DNM1L: variants seen among roughly 807,000 people sequenced by gnomAD.
The protein encoded by DNM1L is dynamin-1-like protein.
DNM1L carries 33 observed loss-of-function variants against 92.8 expected under a neutral mutation model. The ratio of observed to expected loss-of-function variants is 0.36; its 90% CI spans 0.27 to 0.48. DNM1L has a LOEUF of 0.48. Ranked by LOEUF, DNM1L falls within the 20% of genes least tolerant of loss-of-function variation. The pLI is 0.99. For synonymous variants in DNM1L, 284 were observed against 305.0 expected (o/e 0.93, Z 0.72); for missense variants, 485 against 888.8 (o/e 0.55, Z 5.78).
At chr12:32,686,472 C>T (rs1952019350) in intron 1 of DNM1L, among the ~76,000 whole-genome samples, 1 of 151,916 alleles carries the variant, frequency 6.6e-6, no homozygotes, top group African/African-American at 2.4e-5. Flanking sequence ...ACTCCCTCTT[C>T]TTTCTTTTCC....
intron 1 of DNM1L, among the ~76,000 whole-genome samples, chr12:32,699,291 T>C (rs1393635884): frequency 2.0e-5 from 3 of 151,612 alleles, no homozygotes; most frequent in African/African-American, 7.3e-5. Context: ...ACTTTTTTTG[T>C]GGCATTGAAA....
chr12:32,713,951 C>G (rs1953247012), intron 6 of DNM1L, among the ~76,000 whole-genome samples: 1 of 152,112 alleles, frequency 6.6e-6, no homozygotes, highest in African/African-American at 2.4e-5. Context: ...AAGGTAAAAT[C>G]CTTTCATGAA....
At chr12:32,741,560 T>C (rs1955293781) in intron 18 of DNM1L, among the ~76,000 whole-genome samples, 1 of 152,164 alleles carries the variant, frequency 6.6e-6, no homozygotes, top group Non-Finnish European at 1.5e-5. Context: ...GCTGGGATTA[T>C]AGGCGTGAGC....
intron 1 of DNM1L, among the ~76,000 whole-genome samples, chr12:32,691,799 GA>G (rs1952245311): frequency 6.6e-6 from 1 of 152,178 alleles, no homozygotes; most frequent in Non-Finnish European, 1.5e-5. Flanking sequence ...CAGATGAGGA[GA>G]GAAACGATAA....
Position 32,717,235 on chromosome 12 carries a change from ATATT to A in DNM1L, c.620-1406_620-1403del, listed in dbSNP as rs1264220076. 2.8e-5 allele frequency among the ~76,000 whole-genome samples: 3 copies of A among 107,594 alleles called. 1 individual carries two copies. The highest frequency in any genetic ancestry group is 1.2e-4 in the African/African-American group (3 of 25,850). The allele number at this position is 107,594 out of a possible 152,430, so 70.6% of individuals were successfully genotyped here. On this transcript the variant is annotated intron_variant, in intron 6 of 19. Transcript: ENST00000549701. ...ATAAAATATATAGTATATATTATAT[ATATT>A]TTATATATAGTATATATAGTATATA...
At chr12:32,740,325 C>G (rs1175742155) in intron 17 of DNM1L, 84 bp from the exon 18 acceptor site, 2 of 1,610,526 alleles carry the variant, frequency 1.2e-6, no homozygotes, top group Non-Finnish European at 1.7e-6. Flanking sequence ...CTAAAAGTCT[C>G]AAAAACTTAC....
intron 9 of DNM1L, among the ~76,000 whole-genome samples, chr12:32,726,202 A>G (rs1954130400): frequency 6.6e-6 from 1 of 152,252 alleles, no homozygotes; most frequent in South Asian, 2.1e-4. Context: ...CATACCTGGC[A>G]GAAAAACTAG....
intron 2 of DNM1L, chr12:32,705,896 T>C (rs1952903684): frequency 1.3e-6 from 2 of 1,588,450 alleles, no homozygotes; most frequent in Middle Eastern, 1.7e-4. Context: ...TGACCCTTTT[T>C]TTCTCTTATG....
At chr12:32,706,056 GTAATT>G in intron 2 of DNM1L, 1 of 469,870 alleles carries the variant, frequency 2.1e-6, no homozygotes. Flanking sequence ...GGTGGTGAAT[GTAATT>G]TATTTTATTT....
At chr12:32,732,855 G>C (rs1019109273) in intron 12 of DNM1L, among the ~76,000 whole-genome samples, 2 of 152,182 alleles carry the variant, frequency 1.3e-5, no homozygotes, top group Non-Finnish European at 2.9e-5. Flanking sequence ...CCAACACTTT[G>C]GGAAGTCGAG....
intron 2 of DNM1L, among the ~76,000 whole-genome samples, chr12:32,706,334 A>T (rs528313704): frequency 8.5e-5 from 13 of 152,296 alleles, no homozygotes; most frequent in African/African-American, 3.1e-4. Context: ...TCTTATGATC[A>T]TTTTTATTTA....
At chr12:32,742,546 T>C (rs1329707828) in intron 18 of DNM1L, 43 bp from the exon 19 acceptor site, 1 of 1,613,204 alleles carries the variant, frequency 6.2e-7, no homozygotes, top group African/African-American at 1.3e-5. Flanking sequence ...TTGTTAAAAG[T>C]AGAATTTTGG....
In DNM1L at chr12:32,686,943, T is replaced by C. The variant is rs951345468; in HGVS notation, c.102+7478T>C. On this transcript the variant is annotated intron_variant, in intron 1 of 19. Coordinates refer to ENST00000549701, the MANE Select transcript of DNM1L (RefSeq NM_012062.5). ...TGTAAGAGTTCTTTTTTTTCTTTTT[T>C]TTTTTTTTTTTTTGAGATGGAGTCT... Among the ~76,000 whole-genome samples, 6 of 136,984 alleles carry C rather than the reference T, an allele frequency of 4.4e-5. 1 individual carries two copies. The highest frequency in any genetic ancestry group is 3.9e-4 in the East Asian group (2 of 5,106). 89.9% of individuals were successfully genotyped at this position (136,984 alleles called of 152,430 possible). A position where few individuals can be genotyped will look rare whatever the true frequency, so the allele number is the denominator to read the frequency against.
intron 2 of DNM1L, among the ~76,000 whole-genome samples, chr12:32,705,658 T>C (rs1469107041): frequency 1.3e-5 from 2 of 152,214 alleles, no homozygotes; most frequent in East Asian, 3.8e-4. Flanking sequence ...GATTCTTAAT[T>C]TTTCTTCTTA....
At chr12:32,724,676 T>C (rs1378387048) in intron 9 of DNM1L, among the ~76,000 whole-genome samples, 15 of 138,370 alleles carry the variant, frequency 1.1e-4, no homozygotes, top group Non-Finnish European at 1.9e-4. Context: ...AAAATAATAA[T>C]ATATATAATA....
intron 1 of DNM1L, among the ~76,000 whole-genome samples, chr12:32,683,743 C>T (rs1951891908): frequency 6.6e-6 from 1 of 151,926 alleles, no homozygotes; most frequent in African/African-American, 2.4e-5. Flanking sequence ...TGGGGTTTCA[C>T]TGTGTTGGTC....
intron 3 of DNM1L, 46 bp downstream of exon 3, chr12:32,707,459 T>C (rs749211935): frequency 7.3e-7 from 1 of 1,374,800 alleles, no homozygotes; most frequent in East Asian, 2.4e-5. Flanking sequence ...GAAAAAAATA[T>C]ATTGTATGAA....
At chr12:32,709,957 A>AT (rs777768114) in intron 4 of DNM1L, among the ~76,000 whole-genome samples, 27 of 152,260 alleles carry the variant, frequency 1.8e-4, no homozygotes, top group Non-Finnish European at 3.7e-4. Flanking sequence ...GGAAATTAGA[A>AT]TTTTCAGTGG....
At position 32,717,374 on chromosome 12, in the gene DNM1L, A is replaced by AGT. The variant is rs1565517664; in HGVS notation, c.620-1269_620-1268insGT. ...TATATATAGTATATATAATATATAT[A>AGT]CTATATATAATATATAGTATATATA... On this transcript the variant is annotated intron_variant, in intron 6 of 19. Transcript: ENST00000549701. Among the ~76,000 whole-genome samples the AGT allele has an allele frequency of 1.1e-4, 8 of 75,960 alleles. No individual in the cohort carries two copies. The East Asian group carries it at 2.2e-3, about 21-fold the overall frequency. 49.8% of individuals were successfully genotyped at this position (75,960 alleles called of 152,430 possible).
Sources: allele counts gnomAD v4.1 joint callset (sites outside exome capture counted in the v4.1 genomes callset), GRCh38; gene constraint gnomAD v4.1.1; transcripts MANE v1.5; gene names NCBI Gene and HGNC (gene_info 2026-07-23, HGNC 2026-07-21).